SBF2: variants seen among roughly 807,000 people sequenced by gnomAD.
SBF2 encodes SET binding factor 2, also known as myotubularin-related protein 13.
A neutral mutation model predicts 225.2 loss-of-function variants in SBF2; 112 were observed. The ratio of observed to expected loss-of-function variants is 0.50; its 90% CI spans 0.43 to 0.58. SBF2 has a LOEUF of 0.58. Ranked by LOEUF, SBF2 falls within the 20% of genes least tolerant of loss-of-function variation. SBF2 has a pLI of 0.00. For missense variants in SBF2, 1,996 were observed against 2,206.2 expected, an observed-to-expected ratio of 0.90 and a Z score of 1.91; for synonymous variants, 763 against 773.3, an observed-to-expected ratio of 0.99 and a Z score of 0.22.
chr11:10,275,390 T>C (rs1962875871), intron 1 of SBF2, among the ~76,000 whole-genome samples: 1 of 152,246 alleles, frequency 6.6e-6, no homozygotes, highest in African/African-American at 2.4e-5. Flanking sequence ...TTTGATTCTC[T>C]GTTGGAGCAT....
In SBF2 at chr11:10,289,800, C is replaced by T. The variant is rs140413673; in HGVS notation, c.55+4215G>A. ...GGCCCCAGACCCCCATATCACACCT[C>T]CAGCTCCGCCTCCTCCTCACACCCT... On this transcript the variant is annotated intron_variant, in intron 1 of 39. Transcript: ENST00000256190. Among the ~76,000 whole-genome samples the T allele has an allele frequency of 5.2e-3, 788 of 152,314 alleles. 8 individuals are homozygous for T. The highest frequency in any genetic ancestry group is 6.5e-3 in the Non-Finnish European group (441 of 68,006).
chr11:9,925,490 T>C (rs1863962502), intron 16 of SBF2, among the ~76,000 whole-genome samples: 1 of 152,142 alleles, frequency 6.6e-6, no homozygotes, highest in Non-Finnish European at 1.5e-5. Flanking sequence ...TTGGTCAGGC[T>C]GGTCTCAAAC....
intron 22 of SBF2, among the ~76,000 whole-genome samples, chr11:9,849,698 G>A (rs530959452): frequency 1.3e-5 from 2 of 152,178 alleles, no homozygotes; most frequent in Admixed American, 6.5e-5. Flanking sequence ...CTCAGAAAGC[G>A]TGGACAAACC....
intron 1 of SBF2, among the ~76,000 whole-genome samples, chr11:10,230,553 T>TA (rs1958797263): frequency 6.6e-6 from 1 of 152,200 alleles, no homozygotes; most frequent in Non-Finnish European, 1.5e-5. Context: ...AGGATTTTAT[T>TA]TCTCCTTCAC....
chr11:9,958,813 T>G, intron 16 of SBF2: 1 of 549,728 alleles, frequency 1.8e-6, no homozygotes, highest in Non-Finnish European at 3.5e-6. Context: ...TCACCGAAAA[T>G]GGGTCACAGT....
intron 1 of SBF2, among the ~76,000 whole-genome samples, chr11:10,196,866 A>ATATATATATAT: frequency 4.0e-5 from 4 of 99,314 alleles, no homozygotes; most frequent in East Asian, 2.5e-4. Context: ...ATATATATAT[A>ATATATATATAT]TTTTTTTTTT....
At chr11:9,808,437 T>C in intron 31 of SBF2, 1 of 543,582 alleles carries the variant, frequency 1.8e-6, no homozygotes, top group Non-Finnish European at 3.3e-6. Context: ...CTGGCCAGTT[T>C]GCTGACAGCA....
intron 16 of SBF2, among the ~76,000 whole-genome samples, chr11:9,938,392 T>C (rs1483324891): frequency 6.6e-6 from 1 of 152,146 alleles, no homozygotes; most frequent in African/African-American, 2.4e-5. Context: ...CCAGTGGATT[T>C]TTTTTTCGGG....
At chr11:10,084,224 T>C (rs1314510223) in intron 2 of SBF2, among the ~76,000 whole-genome samples, 1 of 151,990 alleles carries the variant, frequency 6.6e-6, no homozygotes, top group Admixed American at 6.6e-5. Context: ...CTGCACATCC[T>C]GCACATGTAT....
intron 17 of SBF2, among the ~76,000 whole-genome samples, chr11:9,879,706 G>A (rs549517198): frequency 5.8e-4 from 88 of 152,276 alleles, no homozygotes; most frequent in African/African-American, 2.0e-3. Context: ...TAGGTTAGGT[G>A]CTTTACATGA....
chr11:10,175,896 C>T (rs963835127), intron 2 of SBF2, among the ~76,000 whole-genome samples: 4 of 151,842 alleles, frequency 2.6e-5, no homozygotes, highest in African/African-American at 9.7e-5. Flanking sequence ...ACTGAACAAC[C>T]GGCTCCTGAA....
chr11:10,112,737 C>T (rs529425240), intron 2 of SBF2, among the ~76,000 whole-genome samples: 37 of 152,216 alleles, frequency 2.4e-4, no homozygotes, highest in Middle Eastern at 6.8e-3. Context: ...TCATGTAAAT[C>T]TGACTCTGAC....
At chr11:10,152,718 G>A (rs547436994) in intron 2 of SBF2, among the ~76,000 whole-genome samples, 2 of 152,228 alleles carry the variant, frequency 1.3e-5, no homozygotes, top group African/African-American at 4.8e-5. Context: ...GTCACCCAAA[G>A]TCAAAGTATA....
intron 16 of SBF2, chr11:9,915,673 T>A (rs1590429315): frequency 6.6e-6 from 1 of 152,152 alleles, no homozygotes; most frequent in Non-Finnish European, 1.5e-5. Context: ...AAATCTGTCA[T>A]ATTTAGAAAG....
intron 2 of SBF2, among the ~76,000 whole-genome samples, chr11:10,050,223 T>C (rs1043427396): frequency 2.0e-5 from 3 of 152,180 alleles, no homozygotes; most frequent in Non-Finnish European, 4.4e-5. Context: ...AATCCCTTCA[T>C]TTTAGTTCTA....
chr11:9,805,817 T>C (rs963335853), intron 32 of SBF2, among the ~76,000 whole-genome samples: 2 of 152,086 alleles, frequency 1.3e-5, no homozygotes, highest in African/African-American at 4.8e-5. Flanking sequence ...AGAGATGGGG[T>C]TTCACCATGT....
intron 2 of SBF2, among the ~76,000 whole-genome samples, chr11:10,163,097 G>A (rs537771301): frequency 1.3e-4 from 20 of 152,304 alleles, no homozygotes; most frequent in African/African-American, 4.6e-4. Context: ...GTCATTAAGT[G>A]AGGTCTAGTA....
rs748109576 is a variant in SBF2 at position 9,789,299 on chromosome 11, TC to T, written c.4741del (p.Asp1581IlefsTer4). ...GGACAGGGTCTCTTCTATGTAGTAA[TC>T]CCACTTCTTGAGGCTAGAGACGTTT... The part of the protein sequence containing the change: ...NVNVSSLKKW[D>X]YYIEETLSTG... On this transcript the variant is annotated frameshift_variant, in exon 35 of 40. Coordinates refer to ENST00000256190, the MANE Select transcript of SBF2 (RefSeq NM_030962.4). LOFTEE classifies it high-confidence loss of function. 13 of 1,613,986 alleles carry T rather than the reference TC, an allele frequency of 8.1e-6. No individual in the cohort carries two copies. Among genetic ancestry groups the T allele is most frequent in the African/African-American group, 1.3e-5 (1 of 74,876 alleles).
chr11:9,946,807 A>T (rs10770077), intron 16 of SBF2, among the ~76,000 whole-genome samples: 39,213 of 152,172 alleles, frequency 0.26, 5,550 homozygotes, highest in Admixed American at 0.35. Context: ...ACAATTTGAT[A>T]TAACTAGGTA....
Sources: gnomAD v4.1 joint callset for allele counts (sites outside exome capture counted in the v4.1 genomes callset) on GRCh38, gnomAD v4.1.1 for gene constraint, MANE v1.5 for transcripts, NCBI Gene and HGNC (gene_info 2026-07-23, HGNC 2026-07-21) for gene names.